The following SPOCK3 variants were observed in gnomAD, a reference collection of about 807,000 sequenced individuals.
The protein encoded by SPOCK3 is testican-3.
Under a neutral mutation model 56.6 loss-of-function variants are expected in SPOCK3, and 30 were observed. The observed-to-expected ratio is 0.53, with a 90% CI of 0.40 to 0.72. The LOEUF is 0.72. Ranked by LOEUF, SPOCK3 falls within the 30% of genes least tolerant of loss-of-function variation. The probability of loss-of-function intolerance (pLI) is 0.00; values close to 1 mark genes in which losing one functional copy is unlikely to be tolerated. For missense variants in SPOCK3, 527 were observed against 530.0 expected (o/e 0.99, Z 0.06); for synonymous variants, 196 against 183.3 (o/e 1.07, Z -0.56).
intron 2 of SPOCK3, among the ~76,000 whole-genome samples, chr4:167,203,085 C>A (rs1733677327): frequency 6.6e-6 from 1 of 151,910 alleles, no homozygotes; most frequent in Non-Finnish European, 1.5e-5. Flanking sequence ...GAAGTCATGA[C>A]TTGACACTCC....
chr4:167,134,177 C>T (rs1218066227), intron 2 of SPOCK3, among the ~76,000 whole-genome samples: 2 of 150,886 alleles, frequency 1.3e-5, no homozygotes, highest in East Asian at 1.9e-4. Flanking sequence ...TACAGGTGTG[C>T]GTCACTGAGC....
chr4:166,913,778 GTC>G (rs140957483), intron 4 of SPOCK3, among the ~76,000 whole-genome samples: 15 of 149,380 alleles, frequency 1.0e-4, no homozygotes, highest in African/African-American at 1.5e-4. Flanking sequence ...ATTATTTTCT[GTC>G]TCTCTCTCTC....
At chr4:166,904,367 T>A (rs1239486805) in intron 5 of SPOCK3, among the ~76,000 whole-genome samples, 2 of 152,110 alleles carry the variant, frequency 1.3e-5, no homozygotes, top group Non-Finnish European at 2.9e-5. Context: ...TAACACACAT[T>A]ATGCAATCAT....
chr4:167,003,385 T>C (rs1266247185), intron 3 of SPOCK3, among the ~76,000 whole-genome samples: 1 of 152,242 alleles, frequency 6.6e-6, no homozygotes, highest in Non-Finnish European at 1.5e-5. Context: ...TTTAACCATC[T>C]GTATTTTTTA....
chr4:166,898,782 T>C (rs1037183631), intron 5 of SPOCK3, among the ~76,000 whole-genome samples: 2 of 152,178 alleles, frequency 1.3e-5, no homozygotes, highest in Non-Finnish European at 2.9e-5. Context: ...AATAGGTGTG[T>C]GTAACTTCAT....
chr4:167,062,497 T>C lies in SPOCK3; in HGVS notation c.230A>G (p.Asp77Gly). The stretch of plus-strand genomic sequence containing the variant: ...TAAAATAGTTAGATTCTTACCCTGA[T>C]CGAAGGGTTTTCCTGGACTCCAAGT... Reference protein sequence around the residue: ...FRTWSPGKPFDQALDPAKDPC... With the variant: ...FRTWSPGKPFGQALDPAKDPC... The change falls in exon 3 of 11, where the codon GAT becomes GGT. Residue 77 changes from aspartate (D) to glycine (G), a missense_variant. Coordinates refer to ENST00000357545, the MANE Select transcript of SPOCK3 (RefSeq NM_001040159.2). 1 of 1,602,628 alleles carries C rather than the reference T, an allele frequency of 6.2e-7. No individual in the cohort carries two copies. The highest frequency in any genetic ancestry group is 8.5e-7 in the Non-Finnish European group (1 of 1,171,020).
intron 6 of SPOCK3, among the ~76,000 whole-genome samples, chr4:166,845,736 T>C (rs1157472471): frequency 6.6e-6 from 1 of 152,174 alleles, no homozygotes; most frequent in Non-Finnish European, 1.5e-5. Context: ...ACCAAGTTAT[T>C]AACTAGGTGA....
At chr4:166,933,601 T>A (rs1477425454) in intron 4 of SPOCK3, among the ~76,000 whole-genome samples, 1 of 152,228 alleles carries the variant, frequency 6.6e-6, no homozygotes, top group Admixed American at 6.5e-5. Flanking sequence ...CATGTGAATC[T>A]TCCATGTCTG....
intron 2 of SPOCK3, chr4:167,119,902 A>T (rs1349548666): frequency 7.1e-7 from 1 of 1,408,966 alleles, no homozygotes; most frequent in Non-Finnish European, 9.4e-7. Flanking sequence ...TCAACCAAAA[A>T]AGAAAAAAGG....
At chr4:166,970,242 T>C (rs1387957093) in intron 4 of SPOCK3, among the ~76,000 whole-genome samples, 3 of 152,186 alleles carry the variant, frequency 2.0e-5, no homozygotes, top group South Asian at 4.1e-4. Flanking sequence ...TTTTTGGTCA[T>C]TTATTAGTTA....
At chr4:166,878,903 C>G (rs1317973295) in intron 6 of SPOCK3, among the ~76,000 whole-genome samples, 1 of 152,118 alleles carries the variant, frequency 6.6e-6, no homozygotes, top group Non-Finnish European at 1.5e-5. Flanking sequence ...CATCCTAGGG[C>G]TTTGTGAGGA....
intron 2 of SPOCK3, among the ~76,000 whole-genome samples, chr4:167,116,625 A>ATATACTATATACG (rs1554038945): frequency 2.4e-5 from 3 of 125,216 alleles, no homozygotes; most frequent in Non-Finnish European, 4.8e-5. Context: ...ATATATATAC[A>ATATACTATATACG]TATATACTAT....
intron 4 of SPOCK3, among the ~76,000 whole-genome samples, chr4:166,920,052 G>T (rs775699420): frequency 2.6e-5 from 4 of 152,114 alleles, no homozygotes; most frequent in African/African-American, 2.4e-5. Flanking sequence ...AGGCTAGGAA[G>T]AAGTAAATTG....
intron 3 of SPOCK3, among the ~76,000 whole-genome samples, chr4:167,046,197 A>G (rs1483195823): frequency 6.6e-6 from 1 of 151,962 alleles, no homozygotes; most frequent in East Asian, 1.9e-4. Context: ...GATTCTCTAC[A>G]GGAAATGTGT....
At chr4:166,897,250 T>C (rs994643896) in intron 5 of SPOCK3, among the ~76,000 whole-genome samples, 1 of 152,072 alleles carries the variant, frequency 6.6e-6, no homozygotes, top group Non-Finnish European at 1.5e-5. Context: ...TATTATTGTG[T>C]AGTGTTGGGG....
intron 6 of SPOCK3, among the ~76,000 whole-genome samples, chr4:166,859,046 C>T (rs920862095): frequency 6.6e-6 from 1 of 152,144 alleles, no homozygotes; most frequent in African/African-American, 2.4e-5. Flanking sequence ...CCTTTTTTAT[C>T]TCTAGATATG....
At chr4:166,913,339 C>A (rs1373422844) in intron 4 of SPOCK3, among the ~76,000 whole-genome samples, 2 of 152,140 alleles carry the variant, frequency 1.3e-5, no homozygotes, top group African/African-American at 4.8e-5. Flanking sequence ...AAAATCCATT[C>A]TCTTCTGCCA....
At chr4:166,850,517 G>A (rs936482580) in intron 6 of SPOCK3, among the ~76,000 whole-genome samples, 7 of 152,216 alleles carry the variant, frequency 4.6e-5, no homozygotes, top group Admixed American at 6.5e-5. Flanking sequence ...CGTGAGCAAC[G>A]CAGAAGACAG....
At chr4:166,840,622 C>G (rs1164935809) in intron 6 of SPOCK3, among the ~76,000 whole-genome samples, 1 of 152,018 alleles carries the variant, frequency 6.6e-6, no homozygotes, top group East Asian at 1.9e-4. Context: ...CTCACCTATT[C>G]CTTGGTTCCT....
Sources: allele counts gnomAD v4.1 joint callset (sites outside exome capture counted in the v4.1 genomes callset), GRCh38; gene constraint gnomAD v4.1.1; transcripts MANE v1.5; gene names NCBI Gene and HGNC (gene_info 2026-07-23, HGNC 2026-07-21).